Variants in RBPJ observed in about 807,000 individuals in gnomAD.
The protein encoded by RBPJ is recombining binding protein suppressor of hairless.
In RBPJ, 9 loss-of-function variants were observed where a neutral mutation model predicts 67.8. The ratio of observed to expected loss-of-function variants is 0.13; its 90% CI spans 0.08 to 0.23. The LOEUF (loss-of-function observed/expected upper bound fraction) is 0.23, where lower values mean the gene tolerates loss of function less well. Among genes scored for constraint, RBPJ ranks in the 10% least tolerant of loss-of-function variants. RBPJ has a pLI of 1.00. For missense variants in RBPJ, 305 were observed against 595.6 expected, an observed-to-expected ratio of 0.51 and a Z score of 5.08; for synonymous variants, 198 against 203.3, an observed-to-expected ratio of 0.97 and a Z score of 0.22.
At chr4:26,204,566 G>T (rs1027246069) in intron 1 of RBPJ, among the ~76,000 whole-genome samples, 4 of 152,192 alleles carry the variant, frequency 2.6e-5, no homozygotes, top group African/African-American at 9.7e-5. Flanking sequence ...TAGCCTGGTA[G>T]ATGTGGCCAT....
rs756905847 is a variant in RBPJ at position 26,424,328 on chromosome 4, T to A, written c.497-14T>A. On this transcript the variant is annotated splice_polypyrimidine_tract_variant and intron_variant, in intron 5 of 10. Coordinates refer to ENST00000355476, the MANE Select transcript of RBPJ (RefSeq NM_015874.6). The surrounding 1 kb of genome is among the most constrained non-coding windows in gnomAD (Gnocchi z 5.3). ...GCTCCAATCACATAAATAAGAGCTG[T>A]TTTTTCTTTGCAGTATGCATTGCCT... 6.2e-7 allele frequency: 1 copy of A among 1,612,152 alleles called. No individual in the cohort carries two copies. The highest frequency in any genetic ancestry group is 1.1e-5 in the South Asian group (1 of 90,840).
At chr4:26,249,786 T>C (rs1181559258) in intron 1 of RBPJ, among the ~76,000 whole-genome samples, 1 of 150,468 alleles carries the variant, frequency 6.6e-6, no homozygotes, top group African/African-American at 2.5e-5. Context: ...TCTCTTTTTT[T>C]TTTTCTTTTT....
At chr4:26,189,044 T>C (rs536829658) in intron 1 of RBPJ, among the ~76,000 whole-genome samples, 2 of 151,992 alleles carry the variant, frequency 1.3e-5, no homozygotes, top group Non-Finnish European at 2.9e-5. Flanking sequence ...TGGGAGTAAA[T>C]GAGAATTATG....
At chr4:26,308,190 G>T (rs976121130) in intron 1 of RBPJ, among the ~76,000 whole-genome samples, 2 of 152,206 alleles carry the variant, frequency 1.3e-5, no homozygotes, top group African/African-American at 4.8e-5. Context: ...GCGGGAGAAT[G>T]GCGTGAGCCC....
chr4:26,281,078 T>C (rs1721258622), intron 1 of RBPJ, among the ~76,000 whole-genome samples: 1 of 152,212 alleles, frequency 6.6e-6, no homozygotes, highest in Admixed American at 6.5e-5. Flanking sequence ...AATGACATTA[T>C]AAGGAGTTGT....
chr4:26,378,979 T>C (rs1730037145), intron 1 of RBPJ, among the ~76,000 whole-genome samples: 1 of 152,114 alleles, frequency 6.6e-6, no homozygotes, highest in South Asian at 2.1e-4. Flanking sequence ...TGAGCCAAGA[T>C]TGTGCCACTG....
chr4:26,293,789 G>A (rs1486480714), intron 1 of RBPJ, among the ~76,000 whole-genome samples: 7 of 152,048 alleles, frequency 4.6e-5, no homozygotes, highest in African/African-American at 9.7e-5. Flanking sequence ...ATGGAGTCTC[G>A]ATTTGTCACC....
At chr4:26,383,832 T>C (rs1227629361) in intron 1 of RBPJ, 1 of 152,228 alleles carries the variant, frequency 6.6e-6, no homozygotes, top group Non-Finnish European at 1.5e-5. Context: ...GCTACTTTGC[T>C]GATGTTACCA....
chr4:26,251,127 A>T (rs1720095169), intron 1 of RBPJ, among the ~76,000 whole-genome samples: 1 of 152,196 alleles, frequency 6.6e-6, no homozygotes, highest in African/African-American at 2.4e-5. Context: ...GCTTCTAACC[A>T]AATATTACCA....
the RBPJ span, among the ~76,000 whole-genome samples, chr4:26,153,661 G>A: frequency 6.6e-6 from 1 of 152,096 alleles, no homozygotes; most frequent in African/African-American, 2.4e-5. Context: ...ATGATTTCTT[G>A]TTCTGTTATG....
intron 1 of RBPJ, among the ~76,000 whole-genome samples, chr4:26,338,134 A>G (rs1349669529): frequency 8.0e-6 from 1 of 125,380 alleles, no homozygotes; most frequent in Admixed American, 7.9e-5. Flanking sequence ...TTATGGAAAC[A>G]TTCTTATGTG....
intron 2 of RBPJ, among the ~76,000 whole-genome samples, chr4:26,395,927 GTGTAT>G: frequency 6.6e-6 from 1 of 152,172 alleles, no homozygotes; most frequent in Non-Finnish European, 1.5e-5. Flanking sequence ...TCTTAAAACA[GTGTAT>G]TTTCTTTGTC....
chr4:26,429,398 T>C (rs1735995756), intron 8 of RBPJ, among the ~76,000 whole-genome samples: 1 of 152,244 alleles, frequency 6.6e-6, no homozygotes, highest in Non-Finnish European at 1.5e-5. Context: ...GAGATGCCCA[T>C]ACACACTGAT....
At position 26,430,393 on chromosome 4, in the gene RBPJ, G is replaced by A. The variant is rs757139957; in HGVS notation, c.1045-26G>A. ...TAATGAAAAATGAAAAGTTTTCTCA[G>A]TGTTGTGATTTTCTGTGAATTGCAG... On this transcript the variant is annotated intron_variant, in intron 9 of 10. Transcript: ENST00000355476. This position sits in a 1 kb window ranked among gnomAD's most constrained non-coding sequence, Gnocchi z 4.1. The A allele has an allele frequency of 1.9e-6, 3 of 1,552,578 alleles. No individual in the cohort carries two copies. The highest frequency in any genetic ancestry group is 2.2e-5 in the South Asian group (2 of 89,396).
intron 1 of RBPJ, among the ~76,000 whole-genome samples, chr4:26,180,425 A>T (rs1716942746): frequency 6.6e-6 from 1 of 152,192 alleles, no homozygotes; most frequent in Non-Finnish European, 1.5e-5. Context: ...GTGTTTGTAA[A>T]CATCAGAATC....
At chr4:26,337,243 T>C (rs2109378854) in intron 1 of RBPJ, among the ~76,000 whole-genome samples, 1 of 152,260 alleles carries the variant, frequency 6.6e-6, no homozygotes, top group Middle Eastern at 3.4e-3. Context: ...AGTGCTGGGA[T>C]TACAGACGTG....
At chr4:26,246,453 C>T (rs1354232028) in intron 1 of RBPJ, among the ~76,000 whole-genome samples, 1 of 152,196 alleles carries the variant, frequency 6.6e-6, no homozygotes, top group Non-Finnish European at 1.5e-5. Flanking sequence ...TTGAAAGTCA[C>T]TGTCCTAAGA....
rs1159105226 is a variant in RBPJ at position 26,431,899 on chromosome 4, G to C, written c.*892G>C. ...TTCTAACATTCACATGCAATTTGGT[G>C]TGGCCATTTAGCTATTAATGAGTTA... On this transcript the variant is annotated 3_prime_UTR_variant, in exon 11 of 11. Coordinates refer to ENST00000355476, the MANE Select transcript of RBPJ (RefSeq NM_015874.6). 2 of 152,066 alleles carry C rather than the reference G, an allele frequency of 1.3e-5. No individual in the cohort carries two copies. Among genetic ancestry groups the C allele is most frequent in the African/African-American group, 4.8e-5 (2 of 41,408 alleles). 9.4% of individuals were successfully genotyped at this position (152,066 alleles called of 1,614,324 possible). A position where few individuals can be genotyped will look rare whatever the true frequency, so the allele number is the denominator to read the frequency against.
intron 1 of RBPJ, among the ~76,000 whole-genome samples, chr4:26,337,020 T>C (rs1724912944): frequency 6.6e-6 from 1 of 152,152 alleles, no homozygotes; most frequent in African/African-American, 2.4e-5. Flanking sequence ...CTGTCGCCCA[T>C]GGGCGATCTC....
Sources: gnomAD v4.1 joint callset for allele counts (sites outside exome capture counted in the v4.1 genomes callset) on GRCh38, gnomAD v4.1.1 for gene constraint, Gnocchi (gnomAD v3.1) non-coding constraint, MANE v1.5 for transcripts, NCBI Gene and HGNC (gene_info 2026-07-23, HGNC 2026-07-21) for gene names.